SYT1: variants seen among roughly 807,000 people sequenced by gnomAD.
SYT1 encodes the protein synaptotagmin-1.
A neutral mutation model predicts 44.8 loss-of-function variants in SYT1; 8 were observed. The observed-to-expected ratio is 0.18, with a 90% confidence interval of 0.10 to 0.32. The LOEUF is 0.32. Ranked by LOEUF, SYT1 falls within the 10% of genes least tolerant of loss-of-function variation. The probability of loss-of-function intolerance (pLI) is 1.00; values close to 1 mark genes in which losing one functional copy is unlikely to be tolerated. For missense variants in SYT1, 286 were observed against 509.3 expected (o/e 0.56, Z 4.22); for synonymous variants, 154 against 188.8 (o/e 0.82, Z 1.51).
intron 2 of SYT1, among the ~76,000 whole-genome samples, chr12:78,982,861 C>G (rs1173441378): frequency 1.3e-5 from 2 of 152,166 alleles, no homozygotes; most frequent in African/African-American, 4.8e-5. Context: ...TCTTATCCAT[C>G]ATGCAGCCTG....
intron 9 of SYT1, among the ~76,000 whole-genome samples, chr12:79,394,103 T>A (rs1884777139): frequency 6.6e-6 from 1 of 152,242 alleles, no homozygotes; most frequent in African/African-American, 2.4e-5. Flanking sequence ...AGACATAATA[T>A]GTCATTTGTC....
chr12:79,199,380 A>G (rs1179783295), intron 3 of SYT1, among the ~76,000 whole-genome samples: 2 of 152,004 alleles, frequency 1.3e-5, no homozygotes, highest in African/African-American at 2.4e-5. Context: ...TGAATGCTCT[A>G]TATCCGTTTT....
intron 3 of SYT1, among the ~76,000 whole-genome samples, chr12:79,189,721 T>G (rs1354426156): frequency 1.3e-5 from 2 of 152,058 alleles, no homozygotes; most frequent in African/African-American, 4.8e-5. Context: ...CTGGCTAACA[T>G]GACAAAACCT....
chr12:78,987,728 C>T (rs1869746432), intron 2 of SYT1, among the ~76,000 whole-genome samples: 2 of 152,102 alleles, frequency 1.3e-5, no homozygotes, highest in African/African-American at 4.8e-5. Flanking sequence ...CTCAGATGGG[C>T]TTACTAGTGA....
chr12:79,181,453 G>C lies in SYT1; in HGVS notation c.-17-36050G>C, dbSNP rs34148537. On this transcript the variant is annotated intron_variant, in intron 3 of 10. Coordinates refer to ENST00000261205, the MANE Select transcript of SYT1 (RefSeq NM_005639.3). Reference sequence around the variant, plus strand: ...ATATCACATTGTTTCTTAGAGTATGGATCAATACATATAGCATTTTTGCCA... The same window carrying C: ...ATATCACATTGTTTCTTAGAGTATGCATCAATACATATAGCATTTTTGCCA... Among the ~76,000 whole-genome samples, 1,199 of 151,948 alleles carry C rather than the reference G, an allele frequency of 7.9e-3. 17 individuals carry two copies. The highest frequency in any genetic ancestry group is 0.033 in the Admixed American group (506 of 15,230).
At chr12:79,125,714 G>A (rs1340670940) in intron 3 of SYT1, among the ~76,000 whole-genome samples, 1 of 151,610 alleles carries the variant, frequency 6.6e-6, no homozygotes, top group African/African-American at 2.4e-5. Flanking sequence ...TTTTTCCTTT[G>A]ACTGCTCTAA....
intron 2 of SYT1, among the ~76,000 whole-genome samples, chr12:79,038,271 C>A (rs1435621463): frequency 6.6e-6 from 1 of 150,982 alleles, no homozygotes; most frequent in Non-Finnish European, 1.5e-5. Flanking sequence ...GGCAATTTAT[C>A]TTTAATATAA....
At chr12:79,072,721 A>T (rs921050663) in intron 3 of SYT1, among the ~76,000 whole-genome samples, 5 of 152,184 alleles carry the variant, frequency 3.3e-5, no homozygotes, top group African/African-American at 1.2e-4. Flanking sequence ...AAGAGATTTA[A>T]ACAAGATGAG....
At chr12:79,121,012 T>C (rs914691204) in intron 3 of SYT1, among the ~76,000 whole-genome samples, 1 of 151,804 alleles carries the variant, frequency 6.6e-6, no homozygotes, top group Non-Finnish European at 1.5e-5. Context: ...TTCGTGTACA[T>C]ATATACACAC....
intron 2 of SYT1, among the ~76,000 whole-genome samples, chr12:78,986,025 C>T (rs941238558): frequency 2.0e-5 from 3 of 151,938 alleles, no homozygotes; most frequent in Non-Finnish European, 4.4e-5. Flanking sequence ...TTTTATGTAA[C>T]CTAGTATTCA....
At chr12:78,902,136 T>C (rs990398206) in intron 1 of SYT1, among the ~76,000 whole-genome samples, 3 of 151,968 alleles carry the variant, frequency 2.0e-5, no homozygotes, top group Non-Finnish European at 2.9e-5. Context: ...TGTATACCTA[T>C]GTAACAAACC....
intron 2 of SYT1, chr12:79,046,388 T>C (rs1874059360): frequency 6.6e-6 from 1 of 152,166 alleles, no homozygotes; most frequent in Non-Finnish European, 1.5e-5. Flanking sequence ...ATTTCATTCT[T>C]TCCTCATTTT....
At chr12:79,121,762 A>G (rs1879611865) in intron 3 of SYT1, among the ~76,000 whole-genome samples, 1 of 152,220 alleles carries the variant, frequency 6.6e-6, no homozygotes, top group African/African-American at 2.4e-5. Context: ...CTGGAGCCCA[A>G]GTATTGTCTT....
intron 9 of SYT1, among the ~76,000 whole-genome samples, chr12:79,356,841 T>C (rs1883132850): frequency 6.6e-6 from 1 of 152,226 alleles, no homozygotes. Flanking sequence ...AACTAAGTAC[T>C]CACTAAATAC....
intron 10 of SYT1, among the ~76,000 whole-genome samples, chr12:79,447,810 T>C (rs1870819768): frequency 6.6e-6 from 1 of 152,214 alleles, no homozygotes; most frequent in Non-Finnish European, 1.5e-5. Context: ...TTCTCTGCTC[T>C]GAAGCTGTAT....
chr12:79,056,177 A>G (rs1014354302), intron 3 of SYT1, among the ~76,000 whole-genome samples: 1 of 152,014 alleles, frequency 6.6e-6, no homozygotes, highest in Non-Finnish European at 1.5e-5. Context: ...CTCAGGATGT[A>G]CCCCTGTTGT....
In SYT1 at chr12:78,932,328, T is replaced by G. The variant is rs371963486; in HGVS notation, c.-216-45471T>G. Among the ~76,000 whole-genome samples, 3 of 152,342 alleles carry G rather than the reference T, an allele frequency of 2.0e-5. No homozygotes were observed. The South Asian group carries it at 6.2e-4, about 32-fold the overall frequency. Reference sequence around the variant, plus strand: ...AGACATAAGCCTGCTGCCTTAATGCTTTCTGTGCCTCAGTTTCCTCATGCA... The same window carrying G: ...AGACATAAGCCTGCTGCCTTAATGCGTTCTGTGCCTCAGTTTCCTCATGCA... On this transcript the variant is annotated intron_variant, in intron 1 of 10. Coordinates refer to ENST00000261205, the MANE Select transcript of SYT1 (RefSeq NM_005639.3).
rs1868407656 is a variant in SYT1 at position 79,125,900 on chromosome 12, T to C, written c.-18+78538T>C. ...TTCCCCGGCTCATCAATCACTACTT[T>C]CCTTATTTGTTTTTTTCTTTATTTT... On this transcript the variant is annotated intron_variant, in intron 3 of 10. Coordinates refer to ENST00000261205, the MANE Select transcript of SYT1 (RefSeq NM_005639.3). Among the ~76,000 whole-genome samples, 6 of 152,254 alleles carry C rather than the reference T, an allele frequency of 3.9e-5. No homozygotes were observed. The South Asian group carries it at 1.2e-3, about 32-fold the overall frequency.
At chr12:79,427,166 A>T (rs762978631) in intron 9 of SYT1, among the ~76,000 whole-genome samples, 6 of 152,214 alleles carry the variant, frequency 3.9e-5, no homozygotes, top group Non-Finnish European at 7.3e-5. Flanking sequence ...TATTCCAGCT[A>T]ATAATTTTTG....
Sources: gnomAD v4.1 joint callset for allele counts (sites outside exome capture counted in the v4.1 genomes callset) on GRCh38, gnomAD v4.1.1 for gene constraint, MANE v1.5 for transcripts, NCBI Gene and HGNC (gene_info 2026-07-23, HGNC 2026-07-21) for gene names.